TMEM230: variants seen among roughly 807,000 people sequenced by gnomAD.
The protein encoded by TMEM230 is transmembrane protein 230.
TMEM230 carries 10 observed loss-of-function variants against 15.8 expected under a neutral mutation model. The observed-to-expected ratio is 0.63, with a 90% CI of 0.39 to 1.07. TMEM230 has a LOEUF of 1.07. TMEM230 is among the 50% of genes least tolerant of loss of function. The pLI is 0.01. For synonymous variants in TMEM230, 67 were observed against 76.9 expected (o/e 0.87, Z 0.68); for missense variants, 165 against 193.3 (o/e 0.85, Z 0.87).
chr20:5,104,804 T>C (rs144529915), intron 4 of TMEM230, among the ~76,000 whole-genome samples: 333 of 152,276 alleles, frequency 2.2e-3, no homozygotes, highest in African/African-American at 7.6e-3. Context: ...TCTCACTCAT[T>C]TGCGGGAACT....
intron 3 of TMEM230, among the ~76,000 whole-genome samples, chr20:5,085,463 A>G (rs966719109): frequency 6.6e-6 from 1 of 151,986 alleles, no homozygotes; most frequent in African/African-American, 2.4e-5. Flanking sequence ...TAATTTTTGT[A>G]TGTTTAGTAG....
chr20:5,109,511 G>A, intron 2 of TMEM230, 66 bp from the exon 2 acceptor site: 4 of 1,256,030 alleles, frequency 3.2e-6, no homozygotes, highest in Non-Finnish European at 1.1e-6. Flanking sequence ...TAGCCAATGA[G>A]TTCAGGATTA....
At chr20:5,067,557 C>T (rs942496733), downstream of TMEM230, among the ~76,000 whole-genome samples, 2 of 150,140 alleles carry the variant, frequency 1.3e-5, no homozygotes, top group South Asian at 2.1e-4. Context: ...GATTCTCCTG[C>T]CTCAGCCTCC....
At chr20:5,073,558 C>T (rs2088895121) in intron 3 of TMEM230, among the ~76,000 whole-genome samples, 2 of 152,142 alleles carry the variant, frequency 1.3e-5, no homozygotes, top group African/African-American at 2.4e-5. Context: ...CTGCCTGGGC[C>T]CTGGATGAAG....
chr20:5,078,568 G>A (rs2089075590), intron 3 of TMEM230, among the ~76,000 whole-genome samples: 1 of 152,166 alleles, frequency 6.6e-6, no homozygotes, highest in African/African-American at 2.4e-5. Flanking sequence ...CTCGCACTTT[G>A]TGTTCATTAT....
intron 3 of TMEM230, among the ~76,000 whole-genome samples, chr20:5,087,363 C>CTGAT (rs1387180779): frequency 1.3e-5 from 2 of 152,004 alleles, no homozygotes; most frequent in Non-Finnish European, 2.9e-5. Context: ...ACTTTGGGAC[C>CTGAT]TGATCATTGC....
exon 4 of TMEM230, chr20:5,068,978 A>G: frequency 1.9e-6 from 1 of 527,544 alleles, no homozygotes; most frequent in Non-Finnish European, 3.4e-6. Flanking sequence ...CATTCACAAG[A>G]GGAGTTGCAT....
intron 4 of TMEM230, among the ~76,000 whole-genome samples, chr20:5,102,819 G>A (rs2089924444): frequency 6.6e-6 from 1 of 151,644 alleles, no homozygotes; most frequent in Non-Finnish European, 1.5e-5. Context: ...AAGACACATC[G>A]AAAAAACAAA....
intron 4 of TMEM230, among the ~76,000 whole-genome samples, chr20:5,103,681 G>C (rs888081799): frequency 2.6e-5 from 4 of 151,422 alleles, no homozygotes; most frequent in South Asian, 2.1e-4. Flanking sequence ...ACATACACTG[G>C]GGAAAGAACC....
intron 3 of TMEM230, among the ~76,000 whole-genome samples, chr20:5,089,788 G>C (rs138828058): frequency 1.3e-5 from 2 of 152,276 alleles, no homozygotes; most frequent in African/African-American, 4.8e-5. Flanking sequence ...CAGCACTTTG[G>C]GAGGACGAGA....
downstream of TMEM230, among the ~76,000 whole-genome samples, chr20:5,095,806 G>A (rs1349629762): frequency 6.6e-6 from 1 of 152,188 alleles, no homozygotes; most frequent in Admixed American, 6.5e-5. Flanking sequence ...AATTTCCCAA[G>A]TGATGTTGAT....
chr20:5,102,555 G>C (rs574392953), intron 4 of TMEM230, among the ~76,000 whole-genome samples: 1 of 152,134 alleles, frequency 6.6e-6, no homozygotes, highest in East Asian at 1.9e-4. Flanking sequence ...GATGGGCATG[G>C]TGGTATATGC....
chr20:5,103,630 CAAA>C (rs141468437), intron 4 of TMEM230, among the ~76,000 whole-genome samples: 1 of 122,236 alleles, frequency 8.2e-6, no homozygotes. Context: ...GATTCTGTCT[CAAA>C]AAAAAAAAAA....
intron 3 of TMEM230, 92 bp from the exon 3 acceptor site, chr20:5,106,402 GT>G: frequency 7.0e-7 from 1 of 1,419,696 alleles, no homozygotes; most frequent in Non-Finnish European, 9.4e-7. Context: ...TAATTTTTAT[GT>G]TTTTGTTTGT....
At chr20:5,110,298 T>C (rs2090261353) in intron 2 of TMEM230, among the ~76,000 whole-genome samples, 1 of 151,920 alleles carries the variant, frequency 6.6e-6, no homozygotes, top group African/African-American at 2.4e-5. Flanking sequence ...TTTTTTTTTT[T>C]TTCTTTGCGA....
At chr20:5,081,873 C>T (rs9679774) in intron 3 of TMEM230, among the ~76,000 whole-genome samples, 5,244 of 43,450 alleles carry the variant, frequency 0.12, 430 homozygotes, top group African/African-American at 0.24. Flanking sequence ...TCTTTTTTTT[C>T]TTTTTTTTTT....
intron 3 of TMEM230, among the ~76,000 whole-genome samples, chr20:5,075,920 A>G (rs1430483635): frequency 1.3e-5 from 2 of 152,004 alleles, no homozygotes; most frequent in Non-Finnish European, 2.9e-5. Context: ...CCTGGGCCAC[A>G]TAGCAAAACA....
intron 3 of TMEM230, among the ~76,000 whole-genome samples, chr20:5,089,714 C>T (rs1469662311): frequency 6.7e-6 from 1 of 149,412 alleles, no homozygotes; most frequent in East Asian, 2.0e-4. Context: ...AAAGGAAAAA[C>T]AAAAACAAAA....
intron 3 of TMEM230, among the ~76,000 whole-genome samples, chr20:5,094,606 C>G (rs1484198015): frequency 7.0e-6 from 1 of 143,532 alleles, no homozygotes; most frequent in Non-Finnish European, 1.5e-5. Context: ...ACTCAGAAGG[C>G]TGAGGTAGGA....
Sources: allele counts gnomAD v4.1 joint callset (sites outside exome capture counted in the v4.1 genomes callset), GRCh38; gene constraint gnomAD v4.1.1; transcripts MANE v1.5; gene names NCBI Gene and HGNC (gene_info 2026-07-23, HGNC 2026-07-21).